The following GMCL1 variants were observed in gnomAD, a reference collection of about 807,000 sequenced individuals.
GMCL1 encodes the protein germ cell-less 1, spermatogenesis associated.
In GMCL1, 54 loss-of-function variants were observed where a neutral mutation model predicts 75.5. The observed-to-expected ratio is 0.71, with a 90% CI of 0.57 to 0.90. The LOEUF is 0.90. GMCL1 is among the 40% of genes least tolerant of loss of function. The pLI is 0.00. For synonymous variants in GMCL1, 210 were observed against 209.6 expected (o/e 1.00, Z -0.02); for missense variants, 537 against 622.7 (o/e 0.86, Z 1.47).
chr2:69,861,135 G>T, intron 9 of GMCL1, 143 bp from the exon 10 acceptor site: 3 of 579,208 alleles, frequency 5.2e-6, no homozygotes, highest in African/African-American at 1.9e-5. Flanking sequence ...GAGCCACCAT[G>T]CTTGGCCTAA....
chr2:69,844,281 C>CT, intron 6 of GMCL1, 85 bp downstream of exon 6: 1 of 728,696 alleles, frequency 1.4e-6, no homozygotes, highest in Non-Finnish European at 2.3e-6. Context: ...TTTTGTAGAA[C>CT]ACAAAAATAT....
At chr2:69,840,501 T>G (rs1467164623) in intron 3 of GMCL1, among the ~76,000 whole-genome samples, 1 of 151,820 alleles carries the variant, frequency 6.6e-6, no homozygotes, top group African/African-American at 2.4e-5. Flanking sequence ...TAGATCACTG[T>G]GGGGGCTGGG....
rs576553407 is a variant in GMCL1 at position 69,832,164 on chromosome 2, G to A, written c.260+2012G>A. Among the ~76,000 whole-genome samples the A allele has an allele frequency of 8.6e-5, 13 of 151,466 alleles. No individual in the cohort carries two copies. In the South Asian group the frequency reaches 2.7e-3, roughly 32 times the overall value. On this transcript the variant is annotated intron_variant, in intron 1 of 13. Coordinates refer to ENST00000282570, the MANE Select transcript of GMCL1 (RefSeq NM_178439.5). The stretch of plus-strand genomic sequence containing the variant: ...TGAACCTGGGAGGCGAGGTTGCAGT[G>A]AGCCAAGATCGCACAACTGCACTCC...
chr2:69,830,255 A>T, intron 1 of GMCL1, 103 bp downstream of exon 1: 10 of 1,386,406 alleles, frequency 7.2e-6, no homozygotes, highest in Non-Finnish European at 5.8e-6. Flanking sequence ...TCCCCAGCCT[A>T]TGGAGAGGGG....
chr2:69,841,127 T>A (rs1459100162), intron 4 of GMCL1, 88 bp downstream of exon 4: 2 of 197,362 alleles, frequency 1.0e-5, no homozygotes, highest in Non-Finnish European at 1.4e-5. Flanking sequence ...AAAGCTTAGC[T>A]TTTTTGGAGT....
At chr2:69,873,374 A>G (rs989469540) in intron 13 of GMCL1, among the ~76,000 whole-genome samples, 3 of 152,196 alleles carry the variant, frequency 2.0e-5, no homozygotes, top group Non-Finnish European at 4.4e-5. Context: ...ATGTTGTCGA[A>G]AAAATAGAAA....
At position 69,837,620 on chromosome 2, in the gene GMCL1, A is replaced by G; in HGVS notation, c.334A>G (p.Ile112Val). The G allele has an allele frequency of 6.2e-7, 1 of 1,607,010 alleles. No homozygotes were observed. Among genetic ancestry groups the G allele is most frequent in the African/African-American group, 1.3e-5 (1 of 74,664 alleles). ...FLNGENSDIK[I>V]CALGEEWSLH... The stretch of plus-strand genomic sequence containing the variant: ...GAATGGTGAAAACAGTGACATTAAG[A>G]TTTGTGCTCTAGGAGAAGAATGGAG... Residue 112 changes from isoleucine (I) to valine (V), a missense_variant, in exon 2 of 14, where the codon ATT becomes GTT. Ile to Val is a conservative substitution (Grantham distance 29). Around this residue, in one of 3 missense-constraint regions of GMCL1, gnomAD observed 48 missense variants for 85.0 expected, o/e 0.56. Coordinates refer to ENST00000282570, the MANE Select transcript of GMCL1 (RefSeq NM_178439.5).
intron 6 of GMCL1, 102 bp from the exon 7 acceptor site, chr2:69,847,441 C>T: frequency 1.3e-6 from 1 of 770,596 alleles, no homozygotes; most frequent in Non-Finnish European, 2.3e-6. Context: ...ATTTTTAATT[C>T]CACATATTTT....
At chr2:69,839,600 A>G in intron 3 of GMCL1, 47 bp downstream of exon 3, 1 of 1,176,904 alleles carries the variant, frequency 8.5e-7, no homozygotes, top group Non-Finnish European at 1.3e-6. Flanking sequence ...TAAAAACATA[A>G]TCTTATTCTT....
At chr2:69,858,595 C>CT (rs201016035) in intron 9 of GMCL1, among the ~76,000 whole-genome samples, 2 of 151,202 alleles carry the variant, frequency 1.3e-5, no homozygotes, top group East Asian at 1.9e-4. Context: ...ACCAGGGATT[C>CT]TTTTTTTTTC....
At chr2:69,835,124 A>T (rs907087337) in intron 1 of GMCL1, among the ~76,000 whole-genome samples, 3 of 152,122 alleles carry the variant, frequency 2.0e-5, no homozygotes, top group African/African-American at 7.2e-5. Flanking sequence ...TTGGAAATAG[A>T]TCTATTTACT....
intron 8 of GMCL1, among the ~76,000 whole-genome samples, chr2:69,850,047 A>G (rs1675269173): frequency 6.6e-6 from 1 of 152,196 alleles, no homozygotes; most frequent in South Asian, 2.1e-4. Context: ...TATCACTAAC[A>G]GATCTTGTTG....
intron 4 of GMCL1, 88 bp downstream of exon 4, chr2:69,841,127 T>C (rs1459100162): frequency 5.1e-6 from 1 of 197,370 alleles, no homozygotes; most frequent in Non-Finnish European, 7.0e-6. Flanking sequence ...AAAGCTTAGC[T>C]TTTTTGGAGT....
chr2:69,870,335 C>G (rs1675949491), intron 12 of GMCL1, among the ~76,000 whole-genome samples: 3 of 151,874 alleles, frequency 2.0e-5, no homozygotes, highest in Non-Finnish European at 4.4e-5. Flanking sequence ...TTTATACTTA[C>G]CTTACACCAA....
Position 69,859,212 on chromosome 2 carries a change from G to A in GMCL1, c.1073-2066G>A, listed in dbSNP as rs532554570. Reference sequence around the variant, plus strand: ...ATGATATTTGAGAATATTTACGTATGTCTGACTCTTTCATTCCAATTTTAC... The same window carrying A: ...ATGATATTTGAGAATATTTACGTATATCTGACTCTTTCATTCCAATTTTAC... On this transcript the variant is annotated intron_variant, in intron 9 of 13. Transcript: ENST00000282570. 8.7e-5 allele frequency among the ~76,000 whole-genome samples: 13 copies of A among 150,232 alleles called. No individual in the cohort carries two copies. In the South Asian group the frequency reaches 2.7e-3, roughly 32 times the overall value.
chr2:69,849,168 A>AT (rs1049975688), intron 7 of GMCL1, among the ~76,000 whole-genome samples: 46 of 151,488 alleles, frequency 3.0e-4, no homozygotes, highest in South Asian at 8.4e-4. Flanking sequence ...CTGGACTATG[A>AT]TTTTTTTTTC....
intron 4 of GMCL1, among the ~76,000 whole-genome samples, chr2:69,842,019 A>C (rs1340760140): frequency 6.6e-6 from 1 of 152,212 alleles, no homozygotes; most frequent in East Asian, 1.9e-4. Flanking sequence ...GGAATATTTT[A>C]ATCAGGGGAA....
chr2:69,876,583 AG>A, intron 13 of GMCL1, among the ~76,000 whole-genome samples: 1 of 152,354 alleles, frequency 6.6e-6, no homozygotes, highest in African/African-American at 2.4e-5. Context: ...GATAATGTAC[AG>A]GAAATGTGTA....
chr2:69,831,861 A>C (rs979530394), intron 1 of GMCL1, among the ~76,000 whole-genome samples: 2 of 150,268 alleles, frequency 1.3e-5, no homozygotes, highest in African/African-American at 4.9e-5. Context: ...TGTTGCCTTG[A>C]CCTCCCAAAG....
Sources: allele counts gnomAD v4.1 joint callset (sites outside exome capture counted in the v4.1 genomes callset), GRCh38; gene constraint gnomAD v4.1.1; regional missense constraint gnomAD v4.1.1; transcripts MANE v1.5; gene names NCBI Gene and HGNC (gene_info 2026-07-23, HGNC 2026-07-21).